GRIA3: variants seen among roughly 807,000 people sequenced by gnomAD.
GRIA3 encodes glutamate ionotropic receptor AMPA type subunit 3.
Under a neutral mutation model 63.0 loss-of-function variants are expected in GRIA3, and 3 were observed. The observed-to-expected ratio is 0.05, with a 90% CI of 0.02 to 0.12. The LOEUF (loss-of-function observed/expected upper bound fraction) is 0.12, where lower values mean the gene tolerates loss of function less well. GRIA3 is among the 10% of genes least tolerant of loss of function. The probability of loss-of-function intolerance (pLI) is 1.00; values close to 1 mark genes in which losing one functional copy is unlikely to be tolerated. For missense variants in GRIA3, 347 were observed against 700.9 expected, an observed-to-expected ratio of 0.50 and a Z score of 5.70; for synonymous variants, 274 against 257.9, an observed-to-expected ratio of 1.06 and a Z score of -0.60.
intron 2 of GRIA3, among the ~76,000 whole-genome samples, chrX:123,228,978 G>A (rs1405687773): frequency 8.9e-6 from 1 of 111,964 alleles, no homozygotes; most frequent in African/African-American, 3.2e-5. Context: ...GATTGCCACA[G>A]GCAACACACT....
intron 2 of GRIA3, among the ~76,000 whole-genome samples, chrX:123,196,272 C>T: frequency 9.0e-6 from 1 of 111,564 alleles, no homozygotes; most frequent in East Asian, 2.8e-4. Context: ...GTAAACTAAC[C>T]TAACCCAATC....
intron 11 of GRIA3, among the ~76,000 whole-genome samples, chrX:123,418,466 A>G (rs775063240): frequency 1.8e-5 from 2 of 112,291 alleles, no homozygotes; most frequent in South Asian, 7.4e-4. Context: ...GAAAATGAAA[A>G]AAAAACCCGA....
At chrX:123,303,860 A>G (rs1377727118) in intron 3 of GRIA3, among the ~76,000 whole-genome samples, 1 of 111,429 alleles carries the variant, frequency 9.0e-6, no homozygotes, top group African/African-American at 3.3e-5. Context: ...TTTTACAGTA[A>G]AATCTCTATC....
intron 3 of GRIA3, among the ~76,000 whole-genome samples, chrX:123,318,159 C>G (rs2044844473): frequency 8.9e-6 from 1 of 112,090 alleles, no homozygotes; most frequent in African/African-American, 3.2e-5. Context: ...CTGCACACAG[C>G]ACGGGGACCC....
At chrX:123,429,815 C>T (rs1386119302) in intron 12 of GRIA3, among the ~76,000 whole-genome samples, 1 of 112,366 alleles carries the variant, frequency 8.9e-6, no homozygotes, top group Non-Finnish European at 1.9e-5. Flanking sequence ...ATAAGAGATA[C>T]TTGTTCCACT....
chrX:123,483,728 C>T (rs189965679), intron 15 of GRIA3, among the ~76,000 whole-genome samples: 4,898 of 111,523 alleles, frequency 0.044, 101 homozygotes, highest in Non-Finnish European at 0.07. Context: ...GTCAGGAGAT[C>T]GAGACCATCT....
At chrX:123,459,354 G>T (rs2045780567) in intron 12 of GRIA3, among the ~76,000 whole-genome samples, 1 of 111,824 alleles carries the variant, frequency 8.9e-6, no homozygotes, top group South Asian at 3.8e-4. Flanking sequence ...AGAGACACAA[G>T]GTCTAAGTGG....
chrX:123,245,354 G>A (rs191129405), intron 2 of GRIA3, among the ~76,000 whole-genome samples: 534 of 111,963 alleles, frequency 4.8e-3, no homozygotes, highest in Non-Finnish European at 7.1e-3. Context: ...TGGAGCTCAG[G>A]AGTGTGGCTG....
intron 4 of GRIA3, among the ~76,000 whole-genome samples, chrX:123,336,374 G>A: frequency 8.9e-6 from 1 of 111,878 alleles, no homozygotes; most frequent in Non-Finnish European, 1.9e-5. Flanking sequence ...TTGTTACCAA[G>A]CCACCACCTG....
chrX:123,347,894 G>A (rs2045063207), intron 4 of GRIA3, among the ~76,000 whole-genome samples: 1 of 111,588 alleles, frequency 9.0e-6, no homozygotes, highest in Non-Finnish European at 1.9e-5. Context: ...TAGGTGTGAC[G>A]AGTTATTGAT....
In GRIA3 at chrX:123,385,667, A is replaced by C. The variant is rs185006834; in HGVS notation, c.751-9301A>C. On this transcript the variant is annotated intron_variant, in intron 5 of 15. Transcript: ENST00000620443. ...GTTTGTGTCATCTCTGATTTCTTTG[A>C]GCAGTGTTTTGTAATTCTCATTGTA... 2.8e-3 allele frequency among the ~76,000 whole-genome samples: 312 copies of C among 111,642 alleles called. 1 individual carries two copies. Among genetic ancestry groups the C allele is most frequent in the African/African-American group, 9.8e-3 (301 of 30,717 alleles).
chrX:123,432,421 C>G (rs2045623038), intron 12 of GRIA3, among the ~76,000 whole-genome samples: 1 of 112,241 alleles, frequency 8.9e-6, no homozygotes, highest in Admixed American at 9.4e-5. Flanking sequence ...CAATTTTTCT[C>G]TTTCTCATTT....
chrX:123,335,781 A>G (rs1448228088), intron 4 of GRIA3, among the ~76,000 whole-genome samples: 2 of 111,778 alleles, frequency 1.8e-5, no homozygotes, highest in African/African-American at 6.5e-5. Flanking sequence ...ATAGGCAGTG[A>G]ATATGTTTTT....
At chrX:123,216,888 T>G (rs1928172002) in intron 2 of GRIA3, among the ~76,000 whole-genome samples, 1 of 111,821 alleles carries the variant, frequency 8.9e-6, no homozygotes, top group African/African-American at 3.3e-5. Flanking sequence ...GTATGCCATC[T>G]CAAAGGAAAA....
intron 2 of GRIA3, among the ~76,000 whole-genome samples, chrX:123,229,917 C>T: frequency 8.9e-6 from 1 of 112,091 alleles, no homozygotes; most frequent in Non-Finnish European, 1.9e-5. Context: ...TTATGATTAT[C>T]ATGATGCAAA....
At chrX:123,216,659 T>TCCA (rs1039014736) in intron 2 of GRIA3, among the ~76,000 whole-genome samples, 4 of 111,407 alleles carry the variant, frequency 3.6e-5, no homozygotes, top group African/African-American at 1.3e-4. Context: ...ATGCCAAGCC[T>TCCA]CCACCACCAC....
rs747837991 is a variant in GRIA3, at chrX:123,422,122, C to A, written c.1877+4344C>A. Among the ~76,000 whole-genome samples the A allele has an allele frequency of 2.7e-5, 3 of 112,251 alleles. No homozygotes were observed. In the South Asian group the frequency reaches 1.1e-3, roughly 42 times the overall value. The stretch of plus-strand genomic sequence containing the variant: ...GCATAAGAGCTGTTTTCCATTCTTT[C>A]AACCTCTAAAGAAACTCTACCTTTT... On this transcript the variant is annotated intron_variant, in intron 11 of 15. Coordinates refer to ENST00000620443, the MANE Select transcript of GRIA3 (RefSeq NM_007325.5).
intron 3 of GRIA3, among the ~76,000 whole-genome samples, chrX:123,321,614 T>C (rs964278565): frequency 1.8e-5 from 2 of 112,573 alleles, no homozygotes; most frequent in Non-Finnish European, 3.8e-5. Context: ...TTTTCACTTG[T>C]TTATACATTT....
At chrX:123,376,253 G>A (rs768343968) in intron 5 of GRIA3, among the ~76,000 whole-genome samples, 1 of 111,323 alleles carries the variant, frequency 9.0e-6, no homozygotes, top group South Asian at 3.8e-4. Context: ...CTAGAAATAT[G>A]TGACAGAAAA....
Sources: gnomAD v4.1 joint callset for allele counts (sites outside exome capture counted in the v4.1 genomes callset) on GRCh38, gnomAD v4.1.1 for gene constraint, MANE v1.5 for transcripts, NCBI Gene and HGNC (gene_info 2026-07-23, HGNC 2026-07-21) for gene names.